Variants in LIPC observed in about 807,000 individuals in gnomAD.
LIPC encodes the protein lipase C, hepatic type, also known as hepatic triacylglycerol lipase.
A neutral mutation model predicts 50.7 loss-of-function variants in LIPC; 44 were observed. That is an observed-to-expected ratio of 0.87 (90% confidence interval 0.68 to 1.11). LIPC has a LOEUF of 1.11. Among genes scored for constraint, LIPC ranks in the 50% most tolerant of loss-of-function variants. LIPC has a pLI of 0.00. For missense variants in LIPC, 697 were observed against 648.2 expected (o/e 1.08, Z -0.82); for synonymous variants, 271 against 256.4 (o/e 1.06, Z -0.54).
intron 1 of LIPC, among the ~76,000 whole-genome samples, chr15:58,480,519 C>A (rs1024402300): frequency 6.6e-6 from 1 of 151,932 alleles, no homozygotes; most frequent in Non-Finnish European, 1.5e-5. Flanking sequence ...GATCCCAAAC[C>A]CCTGACCTCA....
At position 58,538,407 on chromosome 15, in the gene LIPC, T is replaced by C; in HGVS notation, c.163T>C (p.Phe55Leu). 1 of 1,614,202 alleles carries C rather than the reference T, an allele frequency of 6.2e-7. No homozygotes were observed. Among genetic ancestry groups the C allele is most frequent in the Non-Finnish European group, 8.5e-7 (1 of 1,180,028 alleles). The change falls in exon 2 of 9, where the codon TTT (phenylalanine) becomes CTT (leucine). Residue 55 changes from phenylalanine to leucine, a missense_variant. Coordinates refer to ENST00000299022, the MANE Select transcript of LIPC (RefSeq NM_000236.3). Reference sequence around the variant, plus strand: ...TGAGATGAAGACCAGATTCCTGCTCTTTGGAGAAACCAATCAGGGCTGTCA... The same window carrying C: ...TGAGATGAAGACCAGATTCCTGCTCCTTGGAGAAACCAATCAGGGCTGTCA... ...LHEMKTRFLL[F>L]GETNQGCQIR...
At position 58,473,445 on chromosome 15, in the gene LIPC, C is replaced by T. The variant is rs938558154; in HGVS notation, c.88+41325C>T. ...GCCCATTACCCACCCACTTCCTGTG[C>T]GATTAACAAGACGTTTGGAGGATGA... On this transcript the variant is annotated intron_variant, in intron 1 of 8. Coordinates refer to ENST00000299022, the MANE Select transcript of LIPC (RefSeq NM_000236.3). Among the ~76,000 whole-genome samples, 10 of 152,194 alleles carry T rather than the reference C, an allele frequency of 6.6e-5. No individual in the cohort carries two copies. The South Asian group carries it at 1.5e-3, about 22-fold the overall frequency.
intron 1 of LIPC, among the ~76,000 whole-genome samples, chr15:58,484,765 A>G (rs1319213055): frequency 6.6e-6 from 1 of 152,250 alleles, no homozygotes; most frequent in African/African-American, 2.4e-5. Flanking sequence ...ATTCAGAGAC[A>G]CATAACTAAA....
At position 58,515,533 on chromosome 15, in the gene LIPC, C is replaced by CATATAT. The variant is rs1555403164; in HGVS notation, c.89-22785_89-22780dup. ...AAAGAGGTCTTTGCATATACACACACATATATATATATATATATATCTCAA... is the reference window on the plus strand; with the variant it reads ...AAAGAGGTCTTTGCATATACACACACATATATATATATATATATATATATATCTCAA... On this transcript the variant is annotated intron_variant, in intron 1 of 8. Transcript: ENST00000299022. Among the ~76,000 whole-genome samples, 1,239 of 141,690 alleles carry CATATAT rather than the reference C, an allele frequency of 8.7e-3. 29 individuals carry two copies. Among genetic ancestry groups the CATATAT allele is most frequent in the African/African-American group, 0.033 (1,203 of 36,894 alleles). 93.0% of individuals were successfully genotyped at this position (141,690 alleles called of 152,430 possible). A position where few individuals can be genotyped will look rare whatever the true frequency, so the allele number is the denominator to read the frequency against.
At chr15:58,501,785 C>T (rs1254230695) in intron 1 of LIPC, among the ~76,000 whole-genome samples, 5 of 152,178 alleles carry the variant, frequency 3.3e-5, no homozygotes, top group African/African-American at 1.2e-4. Flanking sequence ...CTTACCCTAA[C>T]CCAGTTCATC....
At chr15:58,446,000 A>T (rs1893682375) in intron 1 of LIPC, among the ~76,000 whole-genome samples, 1 of 152,190 alleles carries the variant, frequency 6.6e-6, no homozygotes, top group East Asian at 1.9e-4. Context: ...GGATACAATG[A>T]ATTTCCATAT....
intron 1 of LIPC, among the ~76,000 whole-genome samples, chr15:58,495,179 G>A (rs766608088): frequency 4.6e-5 from 7 of 152,170 alleles, no homozygotes; most frequent in East Asian, 1.9e-4. Flanking sequence ...TGCTGATCCC[G>A]ACTCTCATCC....
chr15:58,526,550 G>T (rs1480986533), intron 1 of LIPC, among the ~76,000 whole-genome samples: 1 of 152,174 alleles, frequency 6.6e-6, no homozygotes. Flanking sequence ...TCACTCCAAG[G>T]AGGGGCCTCC....
intron 1 of LIPC, among the ~76,000 whole-genome samples, chr15:58,515,989 C>G (rs1595912611): frequency 6.6e-6 from 1 of 152,288 alleles, no homozygotes; most frequent in East Asian, 1.9e-4. Flanking sequence ...CTGTAATCAT[C>G]GTCTGACCAC....
chr15:58,476,041 C>T (rs1282065826), intron 1 of LIPC, among the ~76,000 whole-genome samples: 25 of 152,248 alleles, frequency 1.6e-4, no homozygotes, highest in Admixed American at 1.6e-3. Context: ...GCGTGCCAAG[C>T]ACAGTCCATA....
intron 1 of LIPC, among the ~76,000 whole-genome samples, chr15:58,504,816 T>C (rs888152061): frequency 2.6e-4 from 40 of 152,274 alleles, no homozygotes; most frequent in African/African-American, 9.6e-4. Flanking sequence ...CGACCCAGTG[T>C]GTAACTCCAA....
At chr15:58,457,796 C>T (rs1275954353) in intron 1 of LIPC, among the ~76,000 whole-genome samples, 6 of 152,160 alleles carry the variant, frequency 3.9e-5, no homozygotes. Flanking sequence ...GTAAGGATTT[C>T]CATCTTGTAC....
Position 58,535,042 on chromosome 15 carries a change from C to A in LIPC, c.89-3291C>A, listed in dbSNP as rs570768715. Reference sequence around the variant, plus strand: ...CTCCCAATCTTATTTTTATAGGCACCAGAGCCCCACTTTCTTTAACAATTG... The same window carrying A: ...CTCCCAATCTTATTTTTATAGGCACAAGAGCCCCACTTTCTTTAACAATTG... On this transcript the variant is annotated intron_variant, in intron 1 of 8. Coordinates refer to ENST00000299022, the MANE Select transcript of LIPC (RefSeq NM_000236.3). 5.3e-5 allele frequency among the ~76,000 whole-genome samples: 8 copies of A among 152,304 alleles called. 1 individual carries two copies. In the South Asian group the frequency reaches 1.7e-3, roughly 32 times the overall value.
chr15:58,521,077 A>T (rs1892637966), intron 1 of LIPC, among the ~76,000 whole-genome samples: 1 of 152,152 alleles, frequency 6.6e-6, no homozygotes, highest in Admixed American at 6.5e-5. Context: ...GGGCGGACAG[A>T]GGCAGGAGTT....
intron 1 of LIPC, among the ~76,000 whole-genome samples, chr15:58,515,384 CTT>C (rs1218968258): frequency 6.6e-6 from 1 of 152,134 alleles, no homozygotes; most frequent in African/African-American, 2.4e-5. Context: ...GCTTTAAACT[CTT>C]TCATTTCTTT....
chr15:58,554,163 T>C lies in LIPC; in HGVS notation c.1051+5591T>C, dbSNP rs138660727. Among the ~76,000 whole-genome samples the C allele has an allele frequency of 1.7e-3, 253 of 152,198 alleles. 1 individual carries two copies. The highest frequency in any genetic ancestry group is 3.8e-3 in the African/African-American group (157 of 41,496). On this transcript the variant is annotated intron_variant, in intron 6 of 8. Transcript: ENST00000299022. ...TGATCTTGTGAAAAGAAAATGTAAGTTTTTTCTTTTTTAAATGGCACCAGC... is the reference window on the plus strand; with the variant it reads ...TGATCTTGTGAAAAGAAAATGTAAGCTTTTTCTTTTTTAAATGGCACCAGC...
chr15:58,538,329 G>T lies in LIPC; in HGVS notation c.89-4G>T. ...TAAGCACCGTCCCCAATCTTATATTGCAGAGCCATTTGGAAGAAGAGCTCA... is the reference window on the plus strand; with the variant it reads ...TAAGCACCGTCCCCAATCTTATATTTCAGAGCCATTTGGAAGAAGAGCTCA... On this transcript the variant is annotated splice_polypyrimidine_tract_variant and splice_region_variant and intron_variant, in intron 1 of 8. Transcript: ENST00000299022. 6.2e-7 allele frequency: 1 copy of T among 1,614,084 alleles called. No homozygotes were observed. The highest frequency in any genetic ancestry group is 8.5e-7 in the Non-Finnish European group (1 of 1,179,958).
At chr15:58,507,750 C>G (rs116566975) in intron 1 of LIPC, among the ~76,000 whole-genome samples, 1 of 152,176 alleles carries the variant, frequency 6.6e-6, no homozygotes, top group Non-Finnish European at 1.5e-5. Context: ...TCACAGAAGA[C>G]AGATTAGTAG....
At chr15:58,565,695 G>C (rs1894341879) in intron 8 of LIPC, 1 of 1,001,592 alleles carries the variant, frequency 1.0e-6, no homozygotes, top group Non-Finnish European at 1.2e-6. Flanking sequence ...GTTTCCAACA[G>C]TTCCTTCTTC....
Sources: allele counts gnomAD v4.1 joint callset (sites outside exome capture counted in the v4.1 genomes callset), GRCh38; gene constraint gnomAD v4.1.1; transcripts MANE v1.5; gene names NCBI Gene and HGNC (gene_info 2026-07-23, HGNC 2026-07-21).